Variants in COG7 observed in about 807,000 individuals in gnomAD.
COG7 encodes component of oligomeric golgi complex 7.
Under a neutral mutation model 91.5 loss-of-function variants are expected in COG7, and 49 were observed. That is an observed-to-expected ratio of 0.54 (90% CI 0.43 to 0.68). The LOEUF (loss-of-function observed/expected upper bound fraction) is 0.68. Among genes scored for constraint, COG7 ranks in the 30% least tolerant of loss-of-function variants. The pLI, the probability that COG7 is intolerant of heterozygous loss-of-function variation, is 0.00. For synonymous variants in COG7, 365 were observed against 388.7 expected, an observed-to-expected ratio of 0.94 and a Z score of 0.72; for missense variants, 895 against 961.3, an observed-to-expected ratio of 0.93 and a Z score of 0.91.
intron 14 of COG7, among the ~76,000 whole-genome samples, chr16:23,397,198 C>T (rs573096785): frequency 6.6e-6 from 1 of 152,322 alleles, no homozygotes; most frequent in East Asian, 1.9e-4. Flanking sequence ...CATGAGCCAC[C>T]ATGCCCAGCC....
In COG7 at chr16:23,403,538, A is replaced by G. The variant is rs573147104; in HGVS notation, c.1803+156T>C. 2.0e-5 allele frequency among the ~76,000 whole-genome samples: 3 copies of G among 152,328 alleles called. No homozygotes were observed. In the South Asian group the frequency reaches 6.2e-4, roughly 32 times the overall value. On this transcript the variant is annotated intron_variant, in intron 13 of 16. Coordinates refer to ENST00000307149, the MANE Select transcript of COG7 (RefSeq NM_153603.4). ...AAAGATAAGAAATTCATGCTAAGCA[A>G]TGAGGTGAAATTGGAAAGTGGCTCT...
intron 3 of COG7, among the ~76,000 whole-genome samples, chr16:23,444,023 G>A (rs1192016853): frequency 1.3e-5 from 2 of 150,742 alleles, no homozygotes; most frequent in East Asian, 2.0e-4. Context: ...ATGGTAGTGC[G>A]CGCCTATAAT....
intron 6 of COG7, among the ~76,000 whole-genome samples, chr16:23,426,469 T>C (rs1388605649): frequency 1.3e-5 from 2 of 152,196 alleles, no homozygotes; most frequent in Non-Finnish European, 2.9e-5. Flanking sequence ...GGAGGATCAC[T>C]TGAAGTTAGG....
rs1258883475 is a variant in COG7 at position 23,426,439 on chromosome 16, G to C, written c.811-1492C>G. ...GTGGTGGCTCAGCCCTGTAATCCCAGCACCTGGGAGGCCAAAACAGGAGGA... is the reference window on the plus strand; with the variant it reads ...GTGGTGGCTCAGCCCTGTAATCCCACCACCTGGGAGGCCAAAACAGGAGGA... On this transcript the variant is annotated intron_variant, in intron 6 of 16. Transcript: ENST00000307149. 2.0e-5 allele frequency among the ~76,000 whole-genome samples: 3 copies of C among 152,238 alleles called. No homozygotes were observed. The East Asian group carries it at 5.8e-4, about 29-fold the overall frequency.
intron 1 of COG7, 97 bp downstream of exon 1, chr16:23,452,729 C>G: frequency 6.6e-7 from 1 of 1,513,430 alleles, no homozygotes; most frequent in Non-Finnish European, 8.8e-7. Flanking sequence ...GCTGTCCATG[C>G]GTGCCCCGCC....
intron 12 of COG7, among the ~76,000 whole-genome samples, 181 bp from the exon 13 acceptor site, chr16:23,404,015 C>A (rs900535085): frequency 1.3e-5 from 2 of 152,228 alleles, no homozygotes; most frequent in African/African-American, 4.8e-5. Context: ...CCAAGCTCCA[C>A]CCCAGAACTA....
chr16:23,395,252 T>C (rs1344441007), intron 14 of COG7, among the ~76,000 whole-genome samples: 2 of 152,138 alleles, frequency 1.3e-5, no homozygotes, highest in Non-Finnish European at 2.9e-5. Flanking sequence ...CAGCTTGAAG[T>C]GTTAACAAAT....
rs774147198 is a variant in COG7 at position 23,403,760 on chromosome 16, G to A, written c.1737C>T (p.His579=). The A allele has an allele frequency of 8.7e-6, 14 of 1,614,220 alleles. No homozygotes were observed. Among genetic ancestry groups the A allele is most frequent in the African/African-American group, 1.3e-5 (1 of 75,048 alleles). Residue 579 remains histidine (H), a synonymous_variant, in exon 13 of 17, where the codon CAC becomes CAT. Coordinates refer to ENST00000307149, the MANE Select transcript of COG7 (RefSeq NM_153603.4). ...GGAACACGGAATCGAAAGCCAGCTG[G>A]TGGGCCTGCTGGTTAAGCCGAGTCA... The part of the protein sequence containing the change: ...AALTRLNQQA[H]QLAFDSVFLR...
At chr16:23,424,717 A>G (rs1184231829) in intron 7 of COG7, 32 bp downstream of exon 7, 3 of 1,609,238 alleles carry the variant, frequency 1.9e-6, no homozygotes, top group Middle Eastern at 1.6e-4. Flanking sequence ...GAGTAAAGAC[A>G]AGCTAGAGAA....
rs578034592 is a variant in COG7, at chr16:23,449,587, C to CA, written c.169+3238dup. Among the ~76,000 whole-genome samples, 3 of 147,688 alleles carry CA rather than the reference C, an allele frequency of 2.0e-5. No homozygotes were observed. In the South Asian group the frequency reaches 6.6e-4, roughly 32 times the overall value. On this transcript the variant is annotated intron_variant, in intron 1 of 16. Transcript: ENST00000307149. ...GTAGAACCCATCTCTACTAAAAATA[C>CA]AAAATTAGCCAGGCATGGTGGCGCA...
At chr16:23,393,843 A>T (rs1314657304) in intron 14 of COG7, among the ~76,000 whole-genome samples, 1 of 152,096 alleles carries the variant, frequency 6.6e-6, no homozygotes, top group East Asian at 1.9e-4. Flanking sequence ...GGAGTTCAAG[A>T]CCAGCCTGGC....
intron 6 of COG7, among the ~76,000 whole-genome samples, chr16:23,430,300 G>A (rs528597814): frequency 3.3e-5 from 5 of 152,042 alleles, no homozygotes; most frequent in Non-Finnish European, 4.4e-5. Context: ...GTGGTGGCAC[G>A]CACCTGTAGT....
chr16:23,440,984 G>GAT (rs1964091845), intron 4 of COG7, among the ~76,000 whole-genome samples: 1 of 151,842 alleles, frequency 6.6e-6, no homozygotes, highest in African/African-American at 2.4e-5. Context: ...GAGAAAATAT[G>GAT]ATATATATGG....
intron 7 of COG7, 43 bp downstream of exon 7, chr16:23,424,706 C>A (rs1378095242): frequency 1.3e-6 from 2 of 1,594,828 alleles, no homozygotes; most frequent in Non-Finnish European, 1.7e-6. Flanking sequence ...TCAGAAAGAG[C>A]GAGTAAAGAC....
At chr16:23,396,635 C>T (rs561907479) in intron 14 of COG7, among the ~76,000 whole-genome samples, 30 of 151,746 alleles carry the variant, frequency 2.0e-4, no homozygotes, top group Non-Finnish European at 3.8e-4. Context: ...GCCAAGATCG[C>T]GCCACTGCAC....
At chr16:23,408,658 C>G (rs904450852) in intron 11 of COG7, among the ~76,000 whole-genome samples, 3 of 152,010 alleles carry the variant, frequency 2.0e-5, no homozygotes, top group Admixed American at 6.5e-5. Flanking sequence ...TCCTAACTCA[C>G]TCCTGAATGC....
At chr16:23,438,083 C>CAAAAAAAAAAAAAAAAAAAAAAAAA in intron 4 of COG7, among the ~76,000 whole-genome samples, 1 of 88,842 alleles carries the variant, frequency 1.1e-5, no homozygotes, top group South Asian at 3.3e-4. Flanking sequence ...GACTCCATCT[C>CAAAAAAAAAAAAAAAAAAAAAAAAA]AAAAAAAAAA....
Position 23,389,029 on chromosome 16 carries a change from T to C in COG7, c.2204A>G (p.His735Arg), listed in dbSNP as rs1353482113. 6.2e-7 allele frequency: 1 copy of C among 1,614,098 alleles called. No homozygotes were observed. Among genetic ancestry groups the C allele is most frequent in the Non-Finnish European group, 8.5e-7 (1 of 1,180,014 alleles). Residue 735 changes from histidine to arginine, a missense_variant, in exon 17 of 17, where the codon CAC becomes CGC. His to Arg is a conservative substitution (Grantham distance 29, BLOSUM62 0). Transcript: ENST00000307149. ...LGLQPSRTLQHIVTLLKTRPE... is the reference protein window; with the variant it reads ...LGLQPSRTLQRIVTLLKTRPE... ...CCTGGTCTTCAGTAGCGTCACGATG[T>C]GCTGGAGGGTGCGGGACGGCTGCAG...
At chr16:23,392,268 C>T (rs1296310723) in intron 16 of COG7, 112 bp downstream of exon 16, 1 of 1,553,422 alleles carries the variant, frequency 6.4e-7, no homozygotes, top group Non-Finnish European at 8.7e-7. Context: ...GCCAAATCCA[C>T]AGCTGAAGCT....
Sources: allele counts gnomAD v4.1 joint callset (sites outside exome capture counted in the v4.1 genomes callset), GRCh38; gene constraint gnomAD v4.1.1; transcripts MANE v1.5; gene names NCBI Gene and HGNC (gene_info 2026-07-23, HGNC 2026-07-21).